The following TEX36 variants were observed in gnomAD, a reference collection of about 807,000 sequenced individuals.
TEX36 encodes testis expressed 36, also known as testis-expressed protein 36.
A neutral mutation model predicts 13.6 loss-of-function variants in TEX36; 12 were observed. That is an observed-to-expected ratio of 0.88 (90% CI 0.56 to 1.43). TEX36 has a LOEUF of 1.43. TEX36 is among the 40% of genes most tolerant of loss of function. TEX36 has a pLI of 0.00. For missense variants in TEX36, 224 were observed against 228.3 expected, an observed-to-expected ratio of 0.98 and a Z score of 0.12; for synonymous variants, 93 against 83.0, an observed-to-expected ratio of 1.12 and a Z score of -0.65.
At chr10:125,623,973 C>A (rs1846456555) in intron 3 of TEX36, among the ~76,000 whole-genome samples, 1 of 152,118 alleles carries the variant, frequency 6.6e-6, no homozygotes, top group Non-Finnish European at 1.5e-5. Context: ...TGGGATTAAC[C>A]CGTGTGGACA....
chr10:125,590,468 T>C (rs1305933943), intron 3 of TEX36, among the ~76,000 whole-genome samples: 2 of 152,078 alleles, frequency 1.3e-5, no homozygotes, highest in African/African-American at 2.4e-5. Flanking sequence ...AATAGTACTA[T>C]CTTCATGGTG....
chr10:125,644,859 G>A (rs189445333), intron 3 of TEX36, among the ~76,000 whole-genome samples: 124 of 152,312 alleles, frequency 8.1e-4, no homozygotes, highest in African/African-American at 1.7e-3. Context: ...AAAGGGCACC[G>A]AACTCTTTCT....
In TEX36 at chr10:125,609,015, G is replaced by GAA. The variant is rs35139539; in HGVS notation, c.265-32143_265-32142dup. ...AAGAAAGAAAAGAAAAGAAAAAAAGGAAAAAAATGAGCTGGATGTGGTGGC... is the reference window on the plus strand; with the variant it reads ...AAGAAAGAAAAGAAAAGAAAAAAAGGAAAAAAAAATGAGCTGGATGTGGTGGC... On this transcript the variant is annotated intron_variant, in intron 3 of 3. Transcript: ENST00000532135. 8.9e-5 allele frequency among the ~76,000 whole-genome samples: 13 copies of GAA among 146,410 alleles called. 1 individual carries two copies. The highest frequency in any genetic ancestry group is 3.3e-4 in the African/African-American group (13 of 39,118).
Position 125,607,814 on chromosome 10 carries a change from G to A in TEX36, c.265-30940C>T, listed in dbSNP as rs149700312. ...AATGACTGAGGCAATGAGCTGAACCGCCTCCATGCCGTAAGCCTTTTCATG... is the reference window on the plus strand; with the variant it reads ...AATGACTGAGGCAATGAGCTGAACCACCTCCATGCCGTAAGCCTTTTCATG... On this transcript the variant is annotated intron_variant, in intron 3 of 3. Transcript: ENST00000532135. Among the ~76,000 whole-genome samples, 19 of 152,104 alleles carry A rather than the reference G, an allele frequency of 1.2e-4. No homozygotes were observed. In the South Asian group the frequency reaches 2.5e-3, roughly 20 times the overall value.
chr10:125,657,171 G>C (rs932182464), intron 3 of TEX36, among the ~76,000 whole-genome samples: 1 of 152,212 alleles, frequency 6.6e-6, no homozygotes, highest in South Asian at 2.1e-4. Flanking sequence ...TAGATTTCAC[G>C]TCAGTAAAGT....
At chr10:125,652,195 A>G (rs531908961), downstream of TEX36, among the ~76,000 whole-genome samples, 41 of 152,220 alleles carry the variant, frequency 2.7e-4, 1 homozygote, top group Non-Finnish European at 2.1e-4. Context: ...AGACAATCCT[A>G]AGCCAAAAGA....
intron 3 of TEX36, among the ~76,000 whole-genome samples, chr10:125,599,270 C>G (rs190431952): frequency 3.9e-5 from 6 of 152,308 alleles, no homozygotes; most frequent in Non-Finnish European, 1.5e-5. Flanking sequence ...AAAACTGAAA[C>G]CTGTCTCAGT....
chr10:125,581,658 T>C (rs1328072017), intron 3 of TEX36, among the ~76,000 whole-genome samples: 1 of 152,098 alleles, frequency 6.6e-6, no homozygotes, highest in Non-Finnish European at 1.5e-5. Flanking sequence ...TCTGCCTTTT[T>C]CCCCCCTAAG....
intron 3 of TEX36, among the ~76,000 whole-genome samples, chr10:125,648,736 T>A (rs549009802): frequency 3.3e-5 from 5 of 152,124 alleles, no homozygotes; most frequent in African/African-American, 1.2e-4. Context: ...TTCGAACCCA[T>A]CGCAAAGAAG....
intron 3 of TEX36, among the ~76,000 whole-genome samples, chr10:125,613,121 C>A (rs1311192111): frequency 6.6e-6 from 1 of 151,304 alleles, no homozygotes; most frequent in African/African-American, 2.4e-5. Flanking sequence ...CCCCGCCCGA[C>A]TGTCAGGAAA....
At chr10:125,678,116 T>C (rs909844055) in intron 1 of TEX36, among the ~76,000 whole-genome samples, 1 of 152,272 alleles carries the variant, frequency 6.6e-6, no homozygotes, top group Non-Finnish European at 1.5e-5. Flanking sequence ...GTCCTTACAT[T>C]GCTATCTGCA....
chr10:125,595,262 GGT>G (rs2133536682), intron 3 of TEX36, among the ~76,000 whole-genome samples: 1 of 151,970 alleles, frequency 6.6e-6, no homozygotes, highest in African/African-American at 2.4e-5. Flanking sequence ...ATAATAAATA[GGT>G]TGTCCCTCCC....
At chr10:125,661,742 C>T (rs1847046322) in intron 2 of TEX36, 104 bp downstream of exon 2, 2 of 1,435,364 alleles carry the variant, frequency 1.4e-6, no homozygotes, top group Non-Finnish European at 9.4e-7. Context: ...ATAGTAAATG[C>T]GCAGTTTCTT....
At chr10:125,679,130 A>C (rs1847355019) in intron 1 of TEX36, among the ~76,000 whole-genome samples, 3 of 145,684 alleles carry the variant, frequency 2.1e-5, no homozygotes, top group Admixed American at 1.4e-4. Flanking sequence ...GGCTCTGGCT[A>C]CAGGAGCACC....
chr10:125,646,926 G>A (rs1368675738), intron 3 of TEX36, among the ~76,000 whole-genome samples: 1 of 152,166 alleles, frequency 6.6e-6, no homozygotes, highest in African/African-American at 2.4e-5. Context: ...TATAAGTGGT[G>A]TCAGAAGATA....
chr10:125,646,339 CAAAAT>C (rs1846768137), intron 3 of TEX36, among the ~76,000 whole-genome samples: 1 of 151,874 alleles, frequency 6.6e-6, no homozygotes, highest in African/African-American at 2.4e-5. Context: ...ACCAACAAAA[CAAAAT>C]AAAACAAAAA....
At chr10:125,638,613 G>T (rs78999824) in intron 3 of TEX36, among the ~76,000 whole-genome samples, 2 of 152,184 alleles carry the variant, frequency 1.3e-5, no homozygotes, top group Non-Finnish European at 2.9e-5. Context: ...TTGCTGACTC[G>T]ATTTCTCCAT....
chr10:125,608,961 C>G (rs1565173338), intron 3 of TEX36, among the ~76,000 whole-genome samples: 1 of 143,072 alleles, frequency 7.0e-6, no homozygotes. Context: ...ATGGTGAAAC[C>G]CCACCTCTAC....
intron 1 of TEX36, among the ~76,000 whole-genome samples, chr10:125,664,265 A>G (rs962621395): frequency 6.6e-6 from 1 of 152,024 alleles, no homozygotes; most frequent in Non-Finnish European, 1.5e-5. Context: ...GTTGCTTCCA[A>G]ATCTTGGCTA....
Sources: allele counts gnomAD v4.1 joint callset (sites outside exome capture counted in the v4.1 genomes callset), GRCh38; gene constraint gnomAD v4.1.1; transcripts MANE v1.5; gene names NCBI Gene and HGNC (gene_info 2026-07-23, HGNC 2026-07-21).